The following JAK1 variants were observed in gnomAD, a reference collection of about 807,000 sequenced individuals.
JAK1 encodes Janus kinase 1, also known as tyrosine-protein kinase JAK1.
In JAK1, 16 loss-of-function variants were observed where a neutral mutation model predicts 136.6. The observed-to-expected ratio is 0.12, with a 90% CI of 0.08 to 0.18. The LOEUF (loss-of-function observed/expected upper bound fraction) is 0.18. JAK1 is among the 10% of genes least tolerant of loss of function. The pLI is 1.00. For synonymous variants in JAK1, 492 were observed against 519.5 expected, an observed-to-expected ratio of 0.95 and a Z score of 0.72; for missense variants, 859 against 1,450.1, an observed-to-expected ratio of 0.59 and a Z score of 6.62.
intron 11 of JAK1, among the ~76,000 whole-genome samples, chr1:64,855,014 CTA>C (rs1260579474): frequency 6.6e-6 from 1 of 152,182 alleles, no homozygotes; most frequent in Non-Finnish European, 1.5e-5. Context: ...GGTATGATAT[CTA>C]TGTTAGTTAA....
intron 1 of JAK1, among the ~76,000 whole-genome samples, chr1:64,932,067 T>A (rs1279328512): frequency 4.6e-5 from 7 of 151,858 alleles, no homozygotes; most frequent in African/African-American, 1.7e-4. Context: ...GTTCTTTACA[T>A]CTCATTTAAC....
At chr1:65,055,104 T>A (rs1400291088) in intron 1 of JAK1, among the ~76,000 whole-genome samples, 1 of 152,106 alleles carries the variant, frequency 6.6e-6, no homozygotes, top group Non-Finnish European at 1.5e-5. Context: ...CCATCATCCA[T>A]CTCCAGAATT....
chr1:64,836,067 G>T, intron 23 of JAK1, 31 bp downstream of exon 23: 1 of 1,226,002 alleles, frequency 8.2e-7, no homozygotes, highest in Non-Finnish European at 1.2e-6. Flanking sequence ...AATGGGTACT[G>T]GATTCAAATG....
chr1:64,963,228 T>A (rs1418310238), intron 1 of JAK1, among the ~76,000 whole-genome samples: 1 of 152,142 alleles, frequency 6.6e-6, no homozygotes, highest in African/African-American at 2.4e-5. Flanking sequence ...CTCTCATCAT[T>A]CTCTGAATCC....
rs1307956862 is a variant in JAK1 at position 64,844,835 on chromosome 1, G to A, written c.2170C>T (p.Arg724Cys). 2 of 1,614,122 alleles carry A rather than the reference G, an allele frequency of 1.2e-6. No individual in the cohort carries two copies. Among genetic ancestry groups the A allele is most frequent in the Non-Finnish European group, 1.7e-6 (2 of 1,179,986 alleles). ...CCACACTCACTGTCGATGCCCTCAC[G>A]GGCCAGGAGGAGGTTTTTAGTACAC... ...NVCTKNLLLA[R>C]EGIDSECGPF... is the part of the protein sequence containing the mutation. The change falls in exon 16 of 25, where the codon CGT (arginine) becomes TGT (cysteine). Residue 724 changes from arginine (R) to cysteine (C), a missense_variant. This residue lies in a region of JAK1 where 409 missense variants were observed against 753.8 expected (regional missense o/e 0.54). Coordinates refer to ENST00000342505, the MANE Select transcript of JAK1 (RefSeq NM_002227.4). This position sits in a 1 kb window ranked among gnomAD's most constrained non-coding sequence, Gnocchi z 5.7.
intron 1 of JAK1, among the ~76,000 whole-genome samples, chr1:65,061,432 A>C (rs1034648395): frequency 2.6e-5 from 4 of 152,150 alleles, no homozygotes; most frequent in African/African-American, 9.7e-5. Flanking sequence ...AGCACAAAAA[A>C]CATGCTACAT....
intron 2 of JAK1, among the ~76,000 whole-genome samples, chr1:65,006,858 A>C (rs975720507): frequency 1.3e-5 from 2 of 152,242 alleles, no homozygotes; most frequent in African/African-American, 4.8e-5. Flanking sequence ...TCAATTTAAT[A>C]AGCTAAGTAA....
At chr1:64,945,634 G>T (rs957022892) in intron 1 of JAK1, among the ~76,000 whole-genome samples, 2 of 151,474 alleles carry the variant, frequency 1.3e-5, no homozygotes, top group African/African-American at 4.9e-5. Flanking sequence ...TCCTAGAGAT[G>T]AGAAGAGCAC....
intron 15 of JAK1, 121 bp downstream of exon 15, chr1:64,845,392 T>C: frequency 8.8e-7 from 1 of 1,133,058 alleles, no homozygotes; most frequent in Non-Finnish European, 1.3e-6. Context: ...CACAGAGCCC[T>C]GGCCCCATGG....
chr1:65,003,812 C>T (rs1284361155), intron 2 of JAK1: 1 of 152,112 alleles, frequency 6.6e-6, no homozygotes, highest in Non-Finnish European at 1.5e-5. Flanking sequence ...CTAAAGCAAA[C>T]ATACAAAACA....
rs1553169993 is a variant in JAK1, at chr1:64,928,786, A to AAAAACAAAC, written c.-78+37546_-78+37547insGTTTGTTTT. Among the ~76,000 whole-genome samples, 85 of 117,942 alleles carry AAAAACAAAC rather than the reference A, an allele frequency of 7.2e-4. 2 individuals are homozygous for AAAAACAAAC. Among genetic ancestry groups the AAAAACAAAC allele is most frequent in the African/African-American group, 2.5e-3 (68 of 26,996 alleles). 77.4% of individuals were successfully genotyped at this position (117,942 alleles called of 152,430 possible). A position where few individuals can be genotyped will look rare whatever the true frequency, so the allele number is the denominator to read the frequency against. The stretch of plus-strand genomic sequence containing the variant: ...AGTGCTATAAAACTCTGCAAAAAAA[A>AAAAACAAAC]AAAAAAAAAACAAAAAAAAAAAACT... On this transcript the variant is annotated intron_variant, in intron 1 of 24. Coordinates refer to ENST00000342505, the MANE Select transcript of JAK1 (RefSeq NM_002227.4).
intron 1 of JAK1, among the ~76,000 whole-genome samples, chr1:64,887,663 A>C: frequency 1.3e-5 from 2 of 152,354 alleles, no homozygotes; most frequent in East Asian, 3.9e-4. Context: ...ATGAAGGAAA[A>C]GTAGAGAACA....
At chr1:64,935,392 C>A (rs985740379) in intron 1 of JAK1, among the ~76,000 whole-genome samples, 2 of 152,126 alleles carry the variant, frequency 1.3e-5, no homozygotes. Context: ...CTCCGCCTCC[C>A]GGGTTCAAGC....
intron 8 of JAK1, among the ~76,000 whole-genome samples, chr1:64,860,861 T>TGTGTGTGTGTGTGTGG (rs58016723): frequency 1.5e-5 from 2 of 132,244 alleles, no homozygotes; most frequent in Non-Finnish European, 3.2e-5. Context: ...TGTGTGTGTG[T>TGTGTGTGTGTGTGTGG]TGGGGGTGAC....
chr1:65,007,618 G>A (rs1336561097), intron 2 of JAK1, among the ~76,000 whole-genome samples: 12 of 151,712 alleles, frequency 7.9e-5, no homozygotes, highest in African/African-American at 2.7e-4. Flanking sequence ...ATGCCACCAC[G>A]CCCAGCTAAT....
chr1:64,938,560 T>C (rs1645831561), intron 1 of JAK1, among the ~76,000 whole-genome samples: 1 of 152,238 alleles, frequency 6.6e-6, no homozygotes, highest in Non-Finnish European at 1.5e-5. Context: ...TTCAGCTTCA[T>C]TTTATTGCTC....
At chr1:64,860,422 T>TG (rs1656222274) in intron 8 of JAK1, among the ~76,000 whole-genome samples, 160 bp from the exon 9 acceptor site, 1 of 42,400 alleles carries the variant, frequency 2.4e-5, no homozygotes, top group Non-Finnish European at 3.8e-5. Context: ...TTGCATGCAT[T>TG]TATTTATTTA....
chr1:64,987,632 C>A (rs1646612492), intron 2 of JAK1: 1 of 152,148 alleles, frequency 6.6e-6, no homozygotes, highest in Non-Finnish European at 1.5e-5. Flanking sequence ...CCTTGGCAAC[C>A]AGAAGCCAAG....
At chr1:64,908,290 G>T (rs189327449) in intron 1 of JAK1, among the ~76,000 whole-genome samples, 1 of 151,998 alleles carries the variant, frequency 6.6e-6, no homozygotes, top group Non-Finnish European at 1.5e-5. Flanking sequence ...TTACTCTCAC[G>T]GCAGTGACCC....
Sources: gnomAD v4.1 joint callset for allele counts (sites outside exome capture counted in the v4.1 genomes callset) on GRCh38, gnomAD v4.1.1 for gene constraint, gnomAD v4.1.1 regional missense constraint, Gnocchi (gnomAD v3.1) non-coding constraint, MANE v1.5 for transcripts, NCBI Gene and HGNC (gene_info 2026-07-23, HGNC 2026-07-21) for gene names.